Variants in ZNF616 observed in about 807,000 individuals in gnomAD.
The protein encoded by ZNF616 is zinc finger protein 616.
Under a neutral mutation model 7.6 loss-of-function variants are expected in ZNF616, and 5 were observed. The ratio of observed to expected loss-of-function variants is 0.66; its 90% CI spans 0.34 to 1.38. The LOEUF is 1.38. Ranked by LOEUF, ZNF616 falls within the 40% of genes most tolerant of loss-of-function variation. The pLI is 0.04. For synonymous variants in ZNF616, 319 were observed against 317.2 expected (o/e 1.01, Z -0.06); for missense variants, 913 against 948.3 (o/e 0.96, Z 0.49).
chr19:52,127,344 C>G (rs2088918617), intron 2 of ZNF616, among the ~76,000 whole-genome samples: 1 of 152,150 alleles, frequency 6.6e-6, no homozygotes. Flanking sequence ...TGTGAGCCAC[C>G]ACACCCGGCC....
In ZNF616 at chr19:52,116,773, C is replaced by T. The variant is rs778713546; in HGVS notation, c.391G>A (p.Val131Ile). 3 of 1,614,162 alleles carry T rather than the reference C, an allele frequency of 1.9e-6. No individual in the cohort carries two copies. In the Admixed American group the frequency reaches 5.0e-5, roughly 27 times the overall value. The change falls in exon 4 of 4, where the codon GTA becomes ATA. Residue 131 changes from valine (V) to isoleucine (I), a missense_variant. Coordinates refer to ENST00000600228, the MANE Select transcript of ZNF616 (RefSeq NM_178523.5). ...TGGTTTTCAATATGATTGTTTTCTA[C>T]ATCCCCTTGACTATGTTGATCTCTT... The part of the protein sequence containing the change: ...GKRDQHSQGD[V>I]ENNHIENQLT...
chr19:52,135,653 C>T (rs2089001188), intron 1 of ZNF616, among the ~76,000 whole-genome samples: 1 of 152,142 alleles, frequency 6.6e-6, no homozygotes, highest in African/African-American at 2.4e-5. Flanking sequence ...ACTTGCTCCT[C>T]AATTCAGCTG....
At chr19:52,121,815 G>T (rs1239574888) in intron 3 of ZNF616, among the ~76,000 whole-genome samples, 1 of 152,066 alleles carries the variant, frequency 6.6e-6, no homozygotes, top group Non-Finnish European at 1.5e-5. Context: ...ATTCAAGATG[G>T]ATATAGACTT....
At chr19:52,126,017 C>G (rs1393452015) in intron 2 of ZNF616, among the ~76,000 whole-genome samples, 1 of 152,130 alleles carries the variant, frequency 6.6e-6, no homozygotes, top group Non-Finnish European at 1.5e-5. Context: ...CATGGGAAGT[C>G]TCCAGAATCT....
At chr19:52,136,147 G>T (rs28836230) in intron 1 of ZNF616, among the ~76,000 whole-genome samples, 1 of 144,432 alleles carries the variant, frequency 6.9e-6, no homozygotes, top group Non-Finnish European at 1.5e-5. Flanking sequence ...AAAAAAGCGG[G>T]GGGGGGACAG....
chr19:52,118,594 C>T (rs1330127276), intron 3 of ZNF616, among the ~76,000 whole-genome samples: 1 of 152,162 alleles, frequency 6.6e-6, no homozygotes, highest in African/African-American at 2.4e-5. Flanking sequence ...CTGGTTCTGA[C>T]ATGTTAGACT....
chr19:52,135,678 C>T (rs1013083623), intron 1 of ZNF616, among the ~76,000 whole-genome samples: 1 of 150,062 alleles, frequency 6.7e-6, no homozygotes, highest in Admixed American at 6.7e-5. Flanking sequence ...TTGAACAATA[C>T]AGCTTTGGAT....
At chr19:52,129,677 T>C (rs1438775150) in intron 2 of ZNF616, among the ~76,000 whole-genome samples, 1 of 152,188 alleles carries the variant, frequency 6.6e-6, no homozygotes, top group East Asian at 1.9e-4. Context: ...TAGTTTTCCA[T>C]TCAATTCCCT....
At chr19:52,119,884 A>AACCCT (rs539339083) in intron 3 of ZNF616, among the ~76,000 whole-genome samples, 61 of 152,220 alleles carry the variant, frequency 4.0e-4, no homozygotes, top group Non-Finnish European at 7.6e-4. Context: ...TATGCTCAAC[A>AACCCT]ACCCTACATA....
intron 1 of ZNF616, among the ~76,000 whole-genome samples, chr19:52,131,979 G>A (rs1300954754): frequency 6.6e-6 from 1 of 152,114 alleles, no homozygotes; most frequent in Non-Finnish European, 1.5e-5. Context: ...GAGGGAGTGA[G>A]GAGGACACAG....
At position 52,116,051 on chromosome 19, in the gene ZNF616, G is replaced by T. The variant is rs1300681793; in HGVS notation, c.1113C>A (p.His371Gln). Residue 371 changes from histidine to glutamine, a missense_variant, in exon 4 of 4, where the codon CAC becomes CAA. Coordinates refer to ENST00000600228, the MANE Select transcript of ZNF616 (RefSeq NM_178523.5). ...AFRHRSNLVC[H>Q]RRIHSGEKQY... ...GTTTCTCTCCACTGTGGATTCTCCG[G>T]TGACATACAAGATTTGATCTATGTC... The T allele has an allele frequency of 6.2e-7, 1 of 1,614,096 alleles. No individual in the cohort carries two copies. Among genetic ancestry groups the T allele is most frequent in the Non-Finnish European group, 8.5e-7 (1 of 1,180,008 alleles).
rs1287870422 is a variant in ZNF616 at position 52,115,360 on chromosome 19, C to CT, written c.1803dup (p.Glu602ArgfsTer8). On this transcript the variant is annotated frameshift_variant, in exon 4 of 4. Coordinates refer to ENST00000600228, the MANE Select transcript of ZNF616 (RefSeq NM_178523.5). LOFTEE classifies it low-confidence loss of function (END_TRUNC). The stretch of plus-strand genomic sequence containing the variant: ...CATTCATGACATTTGTATGGTTTCT[C>CT]TCCAGTATGAACTCTTCGATGCCCT... The CT allele has an allele frequency of 6.8e-6, 11 of 1,614,128 alleles. No individual in the cohort carries two copies. Among genetic ancestry groups the CT allele is most frequent in the Non-Finnish European group, 9.3e-6 (11 of 1,180,026 alleles).
At chr19:52,131,797 A>C (rs1024668228) in intron 1 of ZNF616, among the ~76,000 whole-genome samples, 1 of 152,160 alleles carries the variant, frequency 6.6e-6, no homozygotes, top group South Asian at 2.1e-4. Flanking sequence ...TGTTTAAATG[A>C]GTGGGAAGTC....
intron 3 of ZNF616, among the ~76,000 whole-genome samples, chr19:52,119,610 G>T (rs566783330): frequency 6.6e-6 from 1 of 152,056 alleles, no homozygotes. Flanking sequence ...GGGGCAGCAG[G>T]GTTTGTGCTT....
chr19:52,117,450 G>A (rs2088835339), intron 3 of ZNF616, among the ~76,000 whole-genome samples: 1 of 152,012 alleles, frequency 6.6e-6, no homozygotes, highest in Non-Finnish European at 1.5e-5. Context: ...TAGTGTAATG[G>A]TAAATATTCA....
chr19:52,129,346 G>A (rs1196139991), intron 2 of ZNF616, among the ~76,000 whole-genome samples: 1 of 152,020 alleles, frequency 6.6e-6, no homozygotes, highest in Non-Finnish European at 1.5e-5. Context: ...ACTTCTTAAT[G>A]CCTAAACTGC....
chr19:52,129,486 G>A (rs749088289), intron 2 of ZNF616, among the ~76,000 whole-genome samples: 1 of 152,036 alleles, frequency 6.6e-6, no homozygotes, highest in Non-Finnish European at 1.5e-5. Context: ...CAAATGTTCA[G>A]CTCTTACATC....
Position 52,114,909 on chromosome 19 carries a change from T to A in ZNF616, c.2255A>T (p.Lys752Ile). 6.2e-7 allele frequency: 1 copy of A among 1,614,108 alleles called. No individual in the cohort carries two copies. Among genetic ancestry groups the A allele is most frequent in the Non-Finnish European group, 8.5e-7 (1 of 1,180,004 alleles). The stretch of plus-strand genomic sequence containing the variant: ...GAGGCCTGAGCGACAAATAAAAGAT[T>A]TCCCACACTCATTACATTTATAAGG... ...KKPYKCNECG[K>I]SFICRSGLTK... Residue 752 changes from lysine to isoleucine, a missense_variant, in exon 4 of 4, where the codon AAA becomes ATA. Transcript: ENST00000600228.
intron 3 of ZNF616, among the ~76,000 whole-genome samples, chr19:52,119,832 A>AT (rs1201807258): frequency 4.6e-5 from 7 of 152,204 alleles, no homozygotes; most frequent in African/African-American, 2.4e-5. Context: ...TATGCTATGA[A>AT]TTTTATCAAA....
Sources: allele counts gnomAD v4.1 joint callset (sites outside exome capture counted in the v4.1 genomes callset), GRCh38; gene constraint gnomAD v4.1.1; transcripts MANE v1.5; gene names NCBI Gene and HGNC (gene_info 2026-07-23, HGNC 2026-07-21).